Variants in SGK3 observed in about 807,000 individuals in gnomAD.
SGK3 encodes serum/glucocorticoid regulated kinase family member 3, also known as serine/threonine-protein kinase Sgk3.
Under a neutral mutation model 68.5 loss-of-function variants are expected in SGK3, and 47 were observed. The observed-to-expected ratio is 0.69, with a 90% CI of 0.54 to 0.87. SGK3 has a LOEUF of 0.87. Among genes scored for constraint, SGK3 ranks in the 40% least tolerant of loss-of-function variants. The probability of loss-of-function intolerance (pLI) is 0.00; values close to 1 mark genes in which losing one functional copy is unlikely to be tolerated. For synonymous variants in SGK3, 181 were observed against 189.1 expected (o/e 0.96, Z 0.35); for missense variants, 479 against 575.5 (o/e 0.83, Z 1.72).
chr8:66,856,261 G>A (rs977924121), intron 16 of SGK3, among the ~76,000 whole-genome samples: 1 of 152,082 alleles, frequency 6.6e-6, no homozygotes, highest in African/African-American at 2.4e-5. Context: ...TAGAGATGGG[G>A]TTCCATCGTG....
At chr8:66,851,436 A>G (rs1307290477) in intron 16 of SGK3, among the ~76,000 whole-genome samples, 1 of 152,048 alleles carries the variant, frequency 6.6e-6, no homozygotes, top group Non-Finnish European at 1.5e-5. Flanking sequence ...CATGAGAAAC[A>G]CTTGAACTCA....
intron 1 of SGK3, among the ~76,000 whole-genome samples, chr8:66,750,836 C>G (rs1805791821): frequency 6.7e-6 from 1 of 150,288 alleles, no homozygotes; most frequent in Admixed American, 6.6e-5. Flanking sequence ...AAAACCCCAT[C>G]TCTACCAAAA....
rs146092455 is a variant in SGK3, at chr8:66,730,048, C to T, written c.-122+17215C>T. On this transcript the variant is annotated intron_variant, in intron 1 of 16. Transcript: ENST00000521198. ...CCACCCAGCACTTTGCGTGAGCCAC[C>T]GTGCCCAGCCCTACCTTATTTTACA... 2.1e-4 allele frequency among the ~76,000 whole-genome samples: 32 copies of T among 152,214 alleles called. No individual in the cohort carries two copies. In the East Asian group the frequency reaches 4.6e-3, roughly 22 times the overall value.
At chr8:66,783,654 A>T (rs992592285) in intron 1 of SGK3, among the ~76,000 whole-genome samples, 2 of 152,132 alleles carry the variant, frequency 1.3e-5, no homozygotes, top group African/African-American at 4.8e-5. Context: ...AGTAGCTGAG[A>T]TTACAGGTGC....
chr8:66,730,177 T>C (rs552426622), intron 1 of SGK3, among the ~76,000 whole-genome samples: 8 of 152,306 alleles, frequency 5.3e-5, no homozygotes, highest in Admixed American at 5.2e-4. Flanking sequence ...TGATATTTCA[T>C]TGTAGTTTTG....
intron 4 of SGK3, among the ~76,000 whole-genome samples, chr8:66,810,320 G>C (rs1000058816): frequency 6.6e-6 from 1 of 151,952 alleles, no homozygotes; most frequent in African/African-American, 2.4e-5. Flanking sequence ...AATGAAATTG[G>C]AATAGCAGAA....
At chr8:66,723,106 TATATATATATATATATATATATA>T (rs1292649659) in intron 1 of SGK3, among the ~76,000 whole-genome samples, 5 of 39,990 alleles carry the variant, frequency 1.3e-4, no homozygotes, top group Non-Finnish European at 2.5e-4. Flanking sequence ...TATATATATA[TATATATATATATATATATATATA>T]TATTTTTTTT....
At chr8:66,790,077 C>CA (rs1024204694) in intron 1 of SGK3, among the ~76,000 whole-genome samples, 13 of 150,640 alleles carry the variant, frequency 8.6e-5, no homozygotes, top group African/African-American at 2.2e-4. Flanking sequence ...GACCCCATCT[C>CA]AAAAAAAAGA....
intron 1 of SGK3, among the ~76,000 whole-genome samples, chr8:66,774,797 T>C (rs1806627862): frequency 1.3e-5 from 2 of 152,148 alleles, no homozygotes; most frequent in African/African-American, 4.8e-5. Context: ...CCATTCCTAA[T>C]GACGTCTCAC....
At chr8:66,714,088 G>A (rs1007697335) in intron 1 of SGK3, among the ~76,000 whole-genome samples, 2 of 152,190 alleles carry the variant, frequency 1.3e-5, no homozygotes, top group Non-Finnish European at 2.9e-5. Flanking sequence ...GCCACTGCAT[G>A]GAGCCTACTT....
intron 9 of SGK3, 26 bp from the exon 10 acceptor site, chr8:66,835,900 TTTTCTAGTGTATAATAC>T: frequency 6.2e-7 from 1 of 1,610,818 alleles, no homozygotes; most frequent in Non-Finnish European, 8.5e-7. Flanking sequence ...AAGAGAGCTG[TTTTCTAGTGTATAATAC>T]AATTGATCTT....
intron 10 of SGK3, among the ~76,000 whole-genome samples, chr8:66,837,718 C>T (rs189014930): frequency 5.9e-5 from 9 of 152,158 alleles, no homozygotes; most frequent in Admixed American, 2.6e-4. Flanking sequence ...CAGGAGGTTG[C>T]GGCTGCAATG....
chr8:66,856,771 T>C (rs1176000971), intron 16 of SGK3, among the ~76,000 whole-genome samples: 1 of 152,176 alleles, frequency 6.6e-6, no homozygotes, highest in Non-Finnish European at 1.5e-5. Flanking sequence ...ATAGTATTCT[T>C]ACTTTATGGA....
chr8:66,842,082 C>T (rs1173535039), intron 13 of SGK3, among the ~76,000 whole-genome samples: 2 of 151,966 alleles, frequency 1.3e-5, no homozygotes, highest in Admixed American at 6.6e-5. Context: ...ATGGGTTTTT[C>T]CTTCTTTTTT....
chr8:66,835,807 C>G lies in SGK3; in HGVS notation c.570C>G (p.Val190=). The G allele has an allele frequency of 6.2e-7, 1 of 1,611,788 alleles. No individual in the cohort carries two copies. The stretch of plus-strand genomic sequence containing the variant: ...AACTGGATGGAAAATTTTATGCTGT[C>G]AAAGTGTTACAGAAAAAAATAGTTC... ...KRKLDGKFYA[V]KVLQKKIVLN... Residue 190 remains valine, a synonymous_variant, in exon 9 of 17, where the codon GTC becomes GTG. Transcript: ENST00000521198.
intron 5 of SGK3, among the ~76,000 whole-genome samples, chr8:66,819,564 A>T (rs1253103224): frequency 6.6e-6 from 1 of 152,182 alleles, no homozygotes; most frequent in East Asian, 1.9e-4. Context: ...TTTTAACAAG[A>T]TGGGGAAATG....
intron 1 of SGK3, among the ~76,000 whole-genome samples, chr8:66,740,209 G>A (rs1311635252): frequency 1.3e-5 from 2 of 152,186 alleles, no homozygotes; most frequent in African/African-American, 4.8e-5. Flanking sequence ...GCAGGCTTCA[G>A]CTCATCTCTA....
chr8:66,804,472 C>A, intron 4 of SGK3, 25 bp downstream of exon 4: 2 of 1,605,352 alleles, frequency 1.2e-6, no homozygotes, highest in Non-Finnish European at 1.7e-6. Context: ...CATAGGCCAG[C>A]TATGAAGTGA....
intron 1 of SGK3, among the ~76,000 whole-genome samples, chr8:66,770,857 A>C (rs183710899): frequency 6.6e-6 from 1 of 152,124 alleles, no homozygotes; most frequent in Non-Finnish European, 1.5e-5. Context: ...CTGGATTCAT[A>C]GCCCCATCCT....
Sources: allele counts gnomAD v4.1 joint callset (sites outside exome capture counted in the v4.1 genomes callset), GRCh38; gene constraint gnomAD v4.1.1; transcripts MANE v1.5; gene names NCBI Gene and HGNC (gene_info 2026-07-23, HGNC 2026-07-21).